Variants in NCOR1 observed in about 807,000 individuals in gnomAD.
NCOR1 encodes the protein nuclear receptor corepressor 1, also known as protein phosphatase 1, regulatory subunit 109.
Under a neutral mutation model 288.1 loss-of-function variants are expected in NCOR1, and 63 were observed. The ratio of observed to expected loss-of-function variants is 0.22; its 90% CI spans 0.18 to 0.27. The LOEUF (loss-of-function observed/expected upper bound fraction) is 0.27. Among genes scored for constraint, NCOR1 ranks in the 10% least tolerant of loss-of-function variants. NCOR1 has a pLI of 1.00. For missense variants in NCOR1, 2,397 were observed against 3,019.2 expected (o/e 0.79, Z 4.83); for synonymous variants, 1,007 against 1,065.9 (o/e 0.94, Z 1.08).
chr17:16,066,057 G>A (rs944665908), intron 32 of NCOR1, among the ~76,000 whole-genome samples: 1 of 152,180 alleles, frequency 6.6e-6, no homozygotes, highest in Non-Finnish European at 1.5e-5. Flanking sequence ...CAACAGAAAT[G>A]TATACGAAAA....
intron 23 of NCOR1, among the ~76,000 whole-genome samples, chr17:16,083,149 T>C (rs1408876233): frequency 1.3e-5 from 2 of 151,536 alleles, no homozygotes; most frequent in East Asian, 3.9e-4. Flanking sequence ...TGGAGAATTG[T>C]TTGAAACTGG....
At chr17:16,127,205 GTATATAT>G (rs1568191301) in intron 14 of NCOR1, among the ~76,000 whole-genome samples, 6 of 139,848 alleles carry the variant, frequency 4.3e-5, no homozygotes, top group African/African-American at 1.5e-4. Context: ...ATACATGTAT[GTATATAT>G]CTGTATGTAT....
intron 35 of NCOR1, 61 bp from the exon 36 acceptor site, chr17:16,062,331 A>G: frequency 6.7e-7 from 1 of 1,483,954 alleles, no homozygotes; most frequent in Non-Finnish European, 9.0e-7. Context: ...GACAAAAGGA[A>G]GCAATGCTTA....
intron 1 of NCOR1, among the ~76,000 whole-genome samples, chr17:16,212,208 T>C (rs2092194784): frequency 1.3e-5 from 2 of 151,518 alleles, no homozygotes; most frequent in African/African-American, 4.9e-5. Context: ...GAAGTTGCAG[T>C]GAGCCTGAGA....
chr17:16,039,054 CCACCG>C (rs2057043899), intron 44 of NCOR1, among the ~76,000 whole-genome samples: 1 of 152,324 alleles, frequency 6.6e-6, no homozygotes, highest in African/African-American at 2.4e-5. Flanking sequence ...CAGGCGTGAA[CCACCG>C]CACCCGGCTG....
intron 19 of NCOR1, among the ~76,000 whole-genome samples, chr17:16,105,189 C>T (rs566651622): frequency 1.1e-4 from 17 of 152,256 alleles, no homozygotes; most frequent in African/African-American, 3.9e-4. Flanking sequence ...ATTTGATTCA[C>T]ATTTTGGAAG....
At chr17:16,064,699 G>A (rs2060928884) in intron 34 of NCOR1, among the ~76,000 whole-genome samples, 171 bp downstream of exon 34, 1 of 151,996 alleles carries the variant, frequency 6.6e-6, no homozygotes. Context: ...AGCTTTTAAG[G>A]CATTCCTAAG....
At chr17:16,106,719 T>TAGAA in intron 19 of NCOR1, among the ~76,000 whole-genome samples, 1 of 151,686 alleles carries the variant, frequency 6.6e-6, no homozygotes, top group East Asian at 1.9e-4. Context: ...GTTCTCTTCT[T>TAGAA]GACACTTTCC....
chr17:16,148,381 C>G (rs535765128), intron 9 of NCOR1, among the ~76,000 whole-genome samples: 2 of 152,240 alleles, frequency 1.3e-5, no homozygotes, highest in African/African-American at 4.8e-5. Flanking sequence ...TCCATGACCA[C>G]GGTGTGATCC....
intron 1 of NCOR1, among the ~76,000 whole-genome samples, chr17:16,199,253 T>C (rs1158677388): frequency 1.8e-5 from 2 of 108,904 alleles, no homozygotes; most frequent in African/African-American, 7.2e-5. Flanking sequence ...ACTAGCAAAA[T>C]CAGGAAATTA....
At chr17:16,180,980 G>A (rs955604982) in intron 3 of NCOR1, among the ~76,000 whole-genome samples, 1 of 152,086 alleles carries the variant, frequency 6.6e-6, no homozygotes, top group Non-Finnish European at 1.5e-5. Flanking sequence ...CCAACATGGC[G>A]AAACCCTGTC....
chr17:16,043,393 T>C (rs1056346636), intron 42 of NCOR1, among the ~76,000 whole-genome samples: 1 of 151,916 alleles, frequency 6.6e-6, no homozygotes, highest in Non-Finnish European at 1.5e-5. Flanking sequence ...CCATGAAAAA[T>C]AGTTCTTGCA....
intron 3 of NCOR1, 149 bp downstream of exon 3, chr17:16,186,405 G>A: frequency 1.3e-6 from 1 of 796,110 alleles, no homozygotes; most frequent in Non-Finnish European, 1.9e-6. Context: ...GTTAACTATT[G>A]CAACCAACCA....
rs115212416 is a variant in NCOR1, at chr17:16,044,974, G to A, written c.6679+1977C>T. ...TTGTTTTGACTAAATTTCTTATAAC[G>A]TGTTCAATACAAAGCTGAACTTAAG... On this transcript the variant is annotated intron_variant, in intron 42 of 45. Coordinates refer to ENST00000268712, the MANE Select transcript of NCOR1 (RefSeq NM_006311.4). The A allele has an allele frequency of 2.9e-3, 1,497 of 517,464 alleles. 21 individuals carry two copies. Among genetic ancestry groups the A allele is most frequent in the African/African-American group, 0.027 (1,364 of 50,204 alleles). The allele number at this position is 517,464 out of a possible 1,614,324, so 32.1% of individuals were successfully genotyped here.
intron 27 of NCOR1, 29 bp downstream of exon 27, chr17:16,075,505 T>C: frequency 1.2e-6 from 2 of 1,604,756 alleles, no homozygotes; most frequent in Non-Finnish European, 1.7e-6. Flanking sequence ...ATTGTAATAC[T>C]GGCTTTGGTG....
Position 16,116,973 on chromosome 17 carries a change from T to C in NCOR1, c.2055+915A>G, listed in dbSNP as rs114339997. 4.1e-3 allele frequency among the ~76,000 whole-genome samples: 631 copies of C among 152,296 alleles called. 7 individuals carry two copies. The highest frequency in any genetic ancestry group is 0.015 in the African/African-American group (609 of 41,566). ...TGACACCATAAATGCAAATGTCATA[T>C]ACTGAAAAAAAGTAAATAACATTTG... On this transcript the variant is annotated intron_variant, in intron 18 of 45. Coordinates refer to ENST00000268712, the MANE Select transcript of NCOR1 (RefSeq NM_006311.4).
At chr17:16,175,220 T>C (rs1467044547) in intron 3 of NCOR1, among the ~76,000 whole-genome samples, 1 of 151,946 alleles carries the variant, frequency 6.6e-6, no homozygotes, top group Non-Finnish European at 1.5e-5. Flanking sequence ...ATACAAATGT[T>C]AGGCGGGCGT....
Position 16,198,017 on chromosome 17 carries a change from T to C in NCOR1, c.-70-3378A>G, listed in dbSNP as rs576689379. On this transcript the variant is annotated intron_variant, in intron 1 of 45. Transcript: ENST00000268712. Reference sequence around the variant, plus strand: ...CACACTTTTTCCCCTATGTAAATGGTGGCATACTAGAAACACACTGTTCTG... The same window carrying C: ...CACACTTTTTCCCCTATGTAAATGGCGGCATACTAGAAACACACTGTTCTG... Among the ~76,000 whole-genome samples, 7 of 152,052 alleles carry C rather than the reference T, an allele frequency of 4.6e-5. No homozygotes were observed. In the South Asian group the frequency reaches 1.5e-3, roughly 32 times the overall value.
intron 40 of NCOR1, 166 bp from the exon 41 acceptor site, chr17:16,049,154 C>A: frequency 2.2e-4 from 100 of 460,922 alleles, no homozygotes; most frequent in East Asian, 3.2e-4. Flanking sequence ...ATAGTTAAAA[C>A]AAACAAACAA....
Sources: gnomAD v4.1 joint callset for allele counts (sites outside exome capture counted in the v4.1 genomes callset) on GRCh38, gnomAD v4.1.1 for gene constraint, MANE v1.5 for transcripts, NCBI Gene and HGNC (gene_info 2026-07-23, HGNC 2026-07-21) for gene names.